FGFR1: variants seen among roughly 807,000 people sequenced by gnomAD.
The protein encoded by FGFR1 is fibroblast growth factor receptor 1, also known as FGFR1/PLAG1 fusion.
In FGFR1, 18 loss-of-function variants were observed where a neutral mutation model predicts 93.7. The observed-to-expected ratio is 0.19, with a 90% CI of 0.13 to 0.28. The LOEUF is 0.28. FGFR1 is among the 10% of genes least tolerant of loss of function. The pLI, the probability that FGFR1 is intolerant of heterozygous loss-of-function variation, is 1.00. For missense variants in FGFR1, 731 were observed against 1,080.4 expected (o/e 0.68, Z 4.53); for synonymous variants, 448 against 429.3 (o/e 1.04, Z -0.54).
intron 2 of FGFR1, among the ~76,000 whole-genome samples, chr8:38,450,909 C>A (rs994659459): frequency 6.6e-6 from 1 of 152,172 alleles, no homozygotes; most frequent in Admixed American, 6.5e-5. Flanking sequence ...AAGAGGGCCA[C>A]GTGAGCGTCC....
rs781608303 is a variant in FGFR1 at position 38,418,325 on chromosome 8, G to A, written c.1333C>T (p.Arg445Trp). The A allele has an allele frequency of 4.3e-6, 7 of 1,614,038 alleles. No homozygotes were observed. Among genetic ancestry groups the A allele is most frequent in the South Asian group, 3.3e-5 (3 of 91,088 alleles). ...CCACTGGAGGAGAGCCGTGATGGCC[G>A]AACCAGAAGAACCCCAGAGTTCATG... ...ASMNSGVLLV[R>W]PSRLSSSGTP... Residue 445 changes from arginine to tryptophan, a missense_variant, in exon 10 of 18, where the codon CGG becomes TGG. By Grantham distance (101) the Arg-to-Trp change is moderately radical. This residue lies in a region of FGFR1 where 146 missense variants were observed against 173.0 expected (regional missense o/e 0.84). Transcript: ENST00000447712.
intron 2 of FGFR1, among the ~76,000 whole-genome samples, chr8:38,450,162 T>C (rs989277308): frequency 6.6e-6 from 1 of 152,084 alleles, no homozygotes; most frequent in African/African-American, 2.4e-5. Flanking sequence ...CTTAATTATT[T>C]AGGGTGCAGT....
intron 1 of FGFR1, among the ~76,000 whole-genome samples, chr8:38,463,645 C>G (rs548340552): frequency 6.6e-6 from 1 of 152,180 alleles, no homozygotes; most frequent in South Asian, 2.1e-4. Context: ...AAGAAACTGA[C>G]AGAGATACTC....
intron 7 of FGFR1, chr8:38,423,788 G>C (rs1819694191): frequency 6.2e-6 from 1 of 162,280 alleles, no homozygotes; most frequent in African/African-American, 2.4e-5. Context: ...CTACAGAGCA[G>C]TTTTAGCACC....
intron 2 of FGFR1, among the ~76,000 whole-genome samples, chr8:38,444,919 G>A (rs1408813290): frequency 1.3e-5 from 2 of 152,144 alleles, no homozygotes; most frequent in African/African-American, 4.8e-5. Context: ...TGAGCCACAG[G>A]TAGTTGTCAC....
chr8:38,422,794 A>G, intron 7 of FGFR1: 2 of 526,650 alleles, frequency 3.8e-6, no homozygotes, highest in South Asian at 2.6e-5. Context: ...GAGTCCTCAC[A>G]TGGATCCACA....
intron 2 of FGFR1, among the ~76,000 whole-genome samples, chr8:38,431,696 G>T (rs1009442542): frequency 5.3e-5 from 8 of 152,136 alleles, no homozygotes; most frequent in African/African-American, 1.9e-4. Flanking sequence ...TGACCCATGG[G>T]CTTTATCTTA....
chr8:38,418,927 T>C (rs545959894), intron 9 of FGFR1, among the ~76,000 whole-genome samples: 5 of 152,296 alleles, frequency 3.3e-5, no homozygotes, highest in South Asian at 2.1e-4. Context: ...TAGGAGGTCA[T>C]TGACTCATGG....
intron 1 of FGFR1, among the ~76,000 whole-genome samples, chr8:38,464,140 C>T (rs756371046): frequency 6.6e-6 from 1 of 151,978 alleles, no homozygotes; most frequent in Non-Finnish European, 1.5e-5. Flanking sequence ...CATGGTGAAA[C>T]ACCATCTCTA....
At chr8:38,440,342 T>C in intron 2 of FGFR1, 1 of 1,603,624 alleles carries the variant, frequency 6.2e-7, no homozygotes, top group Non-Finnish European at 8.5e-7. Flanking sequence ...TGCAGAAGCA[T>C]CTCACCGAAA....
chr8:38,425,088 A>C (rs1182888145), intron 6 of FGFR1, among the ~76,000 whole-genome samples: 1 of 152,138 alleles, frequency 6.6e-6, no homozygotes, highest in Non-Finnish European at 1.5e-5. Flanking sequence ...GGAGCTTGTT[A>C]GAAACGCGGA....
chr8:38,459,297 G>A (rs577252602), intron 1 of FGFR1, among the ~76,000 whole-genome samples: 24 of 152,196 alleles, frequency 1.6e-4, no homozygotes, highest in East Asian at 5.8e-4. Flanking sequence ...TGCCTCCCCC[G>A]AGCCAGGCAG....
intron 2 of FGFR1, among the ~76,000 whole-genome samples, chr8:38,440,860 G>A (rs1204821638): frequency 1.3e-5 from 2 of 152,182 alleles, no homozygotes; most frequent in Non-Finnish European, 1.5e-5. Context: ...GAGAAAGGCC[G>A]AGCACACAGG....
At chr8:38,442,241 G>C (rs1350674746) in intron 2 of FGFR1, among the ~76,000 whole-genome samples, 2 of 152,036 alleles carry the variant, frequency 1.3e-5, no homozygotes, top group Non-Finnish European at 2.9e-5. Flanking sequence ...CGGGGCAGGG[G>C]GAGTGTCTTC....
intron 8 of FGFR1, 191 bp downstream of exon 8, chr8:38,421,606 A>C (rs761146632): frequency 1.4e-6 from 1 of 696,316 alleles, no homozygotes; most frequent in Non-Finnish European, 2.6e-6. Flanking sequence ...GTGCGCCTGC[A>C]AAACTAGGGA....
intron 12 of FGFR1, 77 bp from the exon 13 acceptor site, chr8:38,416,137 C>T: frequency 1.5e-6 from 2 of 1,314,180 alleles, no homozygotes; most frequent in South Asian, 2.5e-5. Context: ...AAACCCCACC[C>T]CCAGCAGCAC....
At chr8:38,467,804 A>G (rs1303569424) in intron 1 of FGFR1, 177 bp downstream of exon 1, 13 of 218,742 alleles carry the variant, frequency 5.9e-5, no homozygotes, top group Non-Finnish European at 1.2e-4. Flanking sequence ...GGGAGACCCA[A>G]GGGGCGCGGA....
rs371654310 is a variant in FGFR1 at position 38,457,461 on chromosome 8, T to C, written c.-15A>G. On this transcript the variant is annotated 5_prime_UTR_variant, in exon 2 of 18. An upstream open reading frame in the 5' UTR loses its in-frame stop. Coordinates refer to ENST00000447712, the MANE Select transcript of FGFR1 (RefSeq NM_023110.3). Reference sequence around the variant, plus strand: ...CAGCTCCACATCCCAGTTCTGCAGTTAGAGGTTGGTGACAAGGCTCCACAT... The same window carrying C: ...CAGCTCCACATCCCAGTTCTGCAGTCAGAGGTTGGTGACAAGGCTCCACAT... 1 of 1,613,812 alleles carries C rather than the reference T, an allele frequency of 6.2e-7. No individual in the cohort carries two copies. The highest frequency in any genetic ancestry group is 1.3e-5 in the African/African-American group (1 of 74,906).
At chr8:38,462,208 T>C (rs1446342238) in intron 1 of FGFR1, among the ~76,000 whole-genome samples, 1 of 152,130 alleles carries the variant, frequency 6.6e-6, no homozygotes, top group Non-Finnish European at 1.5e-5. Context: ...AACAAGTTAA[T>C]TAAAAAACAA....
Sources: allele counts gnomAD v4.1 joint callset (sites outside exome capture counted in the v4.1 genomes callset), GRCh38; gene constraint gnomAD v4.1.1; regional missense constraint gnomAD v4.1.1; transcripts MANE v1.5; gene names NCBI Gene and HGNC (gene_info 2026-07-23, HGNC 2026-07-21).